Variants in MAB21L3 observed in about 807,000 individuals in gnomAD.
The protein encoded by MAB21L3 is protein mab-21-like 3.
Under a neutral mutation model 37.7 loss-of-function variants are expected in MAB21L3, and 36 were observed. The observed-to-expected ratio is 0.96, with a 90% CI of 0.73 to 1.26. MAB21L3 has a LOEUF of 1.26. Among genes scored for constraint, MAB21L3 ranks in the 50% most tolerant of loss-of-function variants. The pLI, the probability that MAB21L3 is intolerant of heterozygous loss-of-function variation, is 0.00. For synonymous variants in MAB21L3, 186 were observed against 176.8 expected (o/e 1.05, Z -0.41); for missense variants, 430 against 447.3 (o/e 0.96, Z 0.35).
At chr1:116,128,376 G>A in intron 7 of MAB21L3, 37 bp downstream of exon 7, 7 of 1,561,530 alleles carry the variant, frequency 4.5e-6, no homozygotes, top group Admixed American at 1.9e-5. Context: ...CCCAGGGGCA[G>A]CTTTGGATAG....
At chr1:116,116,716 A>G (rs922722113) in intron 3 of MAB21L3, among the ~76,000 whole-genome samples, 1 of 152,122 alleles carries the variant, frequency 6.6e-6, no homozygotes, top group Non-Finnish European at 1.5e-5. Context: ...AGACGAGGCA[A>G]TTTCTGAGGT....
In MAB21L3 at chr1:116,133,289, C is replaced by T; in HGVS notation, c.1013C>T (p.Thr338Ile). 6.2e-7 allele frequency: 1 copy of T among 1,614,246 alleles called. No homozygotes were observed. Among genetic ancestry groups the T allele is most frequent in the Admixed American group, 1.7e-5 (1 of 60,038 alleles). Residue 338 changes from threonine to isoleucine, a missense_variant, in exon 8 of 8, where the codon ACC (threonine) becomes ATC (isoleucine). By Grantham distance (89) the Thr-to-Ile change is moderately conservative (BLOSUM62 -1). Transcript: ENST00000369500. ...FVRNSNLFQC[T>I]NPTELDTVAQ... is the part of the protein sequence containing the mutation. Reference sequence around the variant, plus strand: ...CGGAACAGCAACCTCTTTCAGTGCACCAACCCGACTGAACTGGACACTGTG... The same window carrying T: ...CGGAACAGCAACCTCTTTCAGTGCATCAACCCGACTGAACTGGACACTGTG...
chr1:116,124,189 C>G lies in MAB21L3; in HGVS notation c.313C>G (p.Arg105Gly), dbSNP rs536017398. The part of the protein sequence containing the change: ...LQGTRLPCPL[R>G]DPEGLQQWLE... The stretch of plus-strand genomic sequence containing the variant: ...GGGCACCAGGCTGCCCTGCCCGTTG[C>G]GGGACCCTGAGGGTCTGCAGCAGTG... The change falls in exon 5 of 8, where the codon CGG (arginine) becomes GGG (glycine). Residue 105 changes from arginine (R) to glycine (G), a missense_variant. Transcript: ENST00000369500. The G allele has an allele frequency of 3.1e-6, 5 of 1,614,170 alleles. No individual in the cohort carries two copies. The highest frequency in any genetic ancestry group is 2.2e-5 in the East Asian group (1 of 44,886).
chr1:116,121,705 A>G (rs1659753903), intron 4 of MAB21L3, among the ~76,000 whole-genome samples: 1 of 152,134 alleles, frequency 6.6e-6, no homozygotes, highest in African/African-American at 2.4e-5. Context: ...CAGACTGGCA[A>G]CCCCTCTCCC....
At position 116,133,883 on chromosome 1, in the gene MAB21L3, C is replaced by A. The variant is rs1660144808; in HGVS notation, c.*518C>A. 6.0e-6 allele frequency: 1 copy of A among 165,406 alleles called. No individual in the cohort carries two copies. Among genetic ancestry groups the A allele is most frequent in the Non-Finnish European group, 1.3e-5 (1 of 75,852 alleles). 10.2% of individuals were successfully genotyped at this position (165,406 alleles called of 1,614,324 possible). A position where few individuals can be genotyped will look rare whatever the true frequency, so the allele number is the denominator to read the frequency against. Reference sequence around the variant, plus strand: ...TCAAGGGGAAGGCATTGGATCAACACAAAGTGTTCCTGGTTGGTTGAGTAG... The same window carrying A: ...TCAAGGGGAAGGCATTGGATCAACAAAAAGTGTTCCTGGTTGGTTGAGTAG... On this transcript the variant is annotated 3_prime_UTR_variant, in exon 8 of 8. Transcript: ENST00000369500.
In MAB21L3 at chr1:116,133,442, G is replaced by C. The variant is rs986409254; in HGVS notation, c.*77G>C. The C allele has an allele frequency of 2.9e-5, 40 of 1,359,804 alleles. 1 individual carries two copies. Among genetic ancestry groups the C allele is most frequent in the East Asian group, 2.4e-4 (10 of 42,096 alleles). 84.2% of individuals were successfully genotyped at this position (1,359,804 alleles called of 1,614,324 possible). A position where few individuals can be genotyped will look rare whatever the true frequency, so the allele number is the denominator to read the frequency against. On this transcript the variant is annotated 3_prime_UTR_variant, in exon 8 of 8. Transcript: ENST00000369500. ...GTTCTTTGGATGGTTCCTCAGTCAGGTGCCAGGATCCTGCCTAGGAGAAAG... is the reference window on the plus strand; with the variant it reads ...GTTCTTTGGATGGTTCCTCAGTCAGCTGCCAGGATCCTGCCTAGGAGAAAG...
At chr1:116,124,430 G>A in intron 5 of MAB21L3, 73 bp downstream of exon 5, 1 of 1,391,648 alleles carries the variant, frequency 7.2e-7, no homozygotes, top group South Asian at 1.4e-5. Context: ...CTCTGTTTGG[G>A]TGTTACCTGC....
At chr1:116,122,325 A>T (rs1006077534) in intron 4 of MAB21L3, among the ~76,000 whole-genome samples, 1 of 152,198 alleles carries the variant, frequency 6.6e-6, no homozygotes, top group African/African-American at 2.4e-5. Context: ...ACCCAAGCCA[A>T]TCTAACTTGG....
chr1:116,129,401 A>G (rs888769604), intron 7 of MAB21L3, among the ~76,000 whole-genome samples: 2 of 152,192 alleles, frequency 1.3e-5, no homozygotes, highest in Non-Finnish European at 2.9e-5. Flanking sequence ...CAGCCTAGCT[A>G]GTGTGGGCTG....
At chr1:116,132,445 C>A (rs1325074360) in intron 7 of MAB21L3, among the ~76,000 whole-genome samples, 1 of 152,142 alleles carries the variant, frequency 6.6e-6, no homozygotes, top group Non-Finnish European at 1.5e-5. Context: ...AAGGTGCAGG[C>A]TGACAAAGGC....
At position 116,127,502 on chromosome 1, in the gene MAB21L3, G is replaced by A. The variant is rs762231704; in HGVS notation, c.518G>A (p.Trp173Ter). 1 of 1,614,160 alleles carries A rather than the reference G, an allele frequency of 6.2e-7. No homozygotes were observed. The highest frequency in any genetic ancestry group is 1.1e-5 in the South Asian group (1 of 91,074). The change falls in exon 6 of 8, where the codon TGG becomes TAG. Residue 173 changes from tryptophan (W) to a stop codon, truncating the protein, a stop_gained. Coordinates refer to ENST00000369500, the MANE Select transcript of MAB21L3 (RefSeq NM_152367.3). LOFTEE classifies it high-confidence loss of function. ...CTGCTAGGAAACCGCTCTGCAGTTT[G>A]GGTTGCTGTGGAAACATCTGCATAT... ...VSLLGNRSAV[W>*]VAVETSAYQV... is the part of the protein sequence containing the mutation.
In MAB21L3 at chr1:116,112,483, A is replaced by G; in HGVS notation, c.-133A>G. On this transcript the variant is annotated 5_prime_UTR_variant, in exon 3 of 8. Coordinates refer to ENST00000369500, the MANE Select transcript of MAB21L3 (RefSeq NM_152367.3). ...GGAAGGCAAGTCTCTGGTCCATTAC[A>G]CACTTCCAGAAAAACTTAGTACCCA... The G allele has an allele frequency of 2.8e-6, 2 of 716,968 alleles. No individual in the cohort carries two copies. Among genetic ancestry groups the G allele is most frequent in the Non-Finnish European group, 4.8e-6 (2 of 420,534 alleles). 44.4% of individuals were successfully genotyped at this position (716,968 alleles called of 1,614,324 possible).
chr1:116,127,450 G>T lies in MAB21L3; in HGVS notation c.482-16G>T, dbSNP rs17035327. The T allele has an allele frequency of 5.0e-3, 7,986 of 1,609,434 alleles. 343 individuals are homozygous for T. The African/African-American group carries it at 0.092, about 18-fold the overall frequency. ...ACCTTTCTCTTCTCCTTATCCATTT[G>T]GTCATTTCCCACCAGGTAAGGTCAG... On this transcript the variant is annotated splice_polypyrimidine_tract_variant and intron_variant, in intron 5 of 7. Transcript: ENST00000369500.
At chr1:116,121,892 A>G (rs1659760352) in intron 4 of MAB21L3, among the ~76,000 whole-genome samples, 1 of 152,244 alleles carries the variant, frequency 6.6e-6, no homozygotes. Context: ...ATCCTGAATC[A>G]TTCTGAATCT....
At chr1:116,132,541 A>C (rs1290197547) in intron 7 of MAB21L3, among the ~76,000 whole-genome samples, 1 of 152,188 alleles carries the variant, frequency 6.6e-6, no homozygotes, top group Non-Finnish European at 1.5e-5. Context: ...ATATTGGAGC[A>C]GACTGAGGCA....
In MAB21L3 at chr1:116,112,604, G is replaced by T; in HGVS notation, c.-12G>T. Reference sequence around the variant, plus strand: ...GGAAGTTGCTGTTCTACTGAGGACTGACCAAGAAGCCATGAAATACCTTAC... The same window carrying T: ...GGAAGTTGCTGTTCTACTGAGGACTTACCAAGAAGCCATGAAATACCTTAC... On this transcript the variant is annotated 5_prime_UTR_variant, in exon 3 of 8. Transcript: ENST00000369500. 6.2e-7 allele frequency: 1 copy of T among 1,612,582 alleles called. No individual in the cohort carries two copies. The highest frequency in any genetic ancestry group is 1.1e-5 in the South Asian group (1 of 90,976).
At chr1:116,115,740 A>T (rs1053351955) in intron 3 of MAB21L3, among the ~76,000 whole-genome samples, 10 of 152,292 alleles carry the variant, frequency 6.6e-5, no homozygotes, top group Non-Finnish European at 1.5e-4. Flanking sequence ...TTTATATTTG[A>T]AGCAGTAAAT....
intron 7 of MAB21L3, among the ~76,000 whole-genome samples, chr1:116,132,899 C>G (rs1286799125): frequency 6.6e-6 from 1 of 152,094 alleles, no homozygotes; most frequent in Non-Finnish European, 1.5e-5. Flanking sequence ...GATTAGTGAA[C>G]ATTGGAAATG....
At chr1:116,123,350 G>A (rs1659802821) in intron 4 of MAB21L3, among the ~76,000 whole-genome samples, 1 of 151,960 alleles carries the variant, frequency 6.6e-6, no homozygotes, top group Non-Finnish European at 1.5e-5. Context: ...CTTTCATTTT[G>A]CCTTTATTTT....
Sources: gnomAD v4.1 joint callset for allele counts (sites outside exome capture counted in the v4.1 genomes callset) on GRCh38, gnomAD v4.1.1 for gene constraint, MANE v1.5 for transcripts, NCBI Gene and HGNC (gene_info 2026-07-23, HGNC 2026-07-21) for gene names.